The following ARHGEF38 variants were observed in gnomAD, a reference collection of about 807,000 sequenced individuals.
The protein encoded by ARHGEF38 is Rho guanine nucleotide exchange factor (GEF) 38.
In ARHGEF38, 79 loss-of-function variants were observed where a neutral mutation model predicts 79.9. The ratio of observed to expected loss-of-function variants is 0.99; its 90% CI spans 0.82 to 1.19. The LOEUF is 1.19. Ranked by LOEUF, ARHGEF38 falls within the 50% of genes most tolerant of loss-of-function variation. The probability of loss-of-function intolerance (pLI) is 0.00; values close to 1 mark genes in which losing one functional copy is unlikely to be tolerated. For missense variants in ARHGEF38, 962 were observed against 907.2 expected (o/e 1.06, Z -0.78); for synonymous variants, 366 against 328.3 (o/e 1.11, Z -1.24).
chr4:105,675,086 T>A (rs1351112016), intron 13 of ARHGEF38, among the ~76,000 whole-genome samples: 3 of 152,200 alleles, frequency 2.0e-5, no homozygotes, highest in Admixed American at 1.3e-4. Context: ...ATTTATTCAA[T>A]GTTTTCACTT....
intron 13 of ARHGEF38, among the ~76,000 whole-genome samples, chr4:105,676,971 T>C (rs1015820117): frequency 6.8e-6 from 1 of 146,136 alleles, no homozygotes; most frequent in Non-Finnish European, 1.5e-5. Flanking sequence ...TGTTTTTTCT[T>C]TTTTTTTTTG....
rs573303329 is a variant in ARHGEF38 at position 105,652,720 on chromosome 4, A to G, written c.1009-1345A>G. Reference sequence around the variant, plus strand: ...CTGGTGACGCCTCCTTGGAAACTGCATTTAAAAAAAAATCTGCCCCAGCAT... The same window carrying G: ...CTGGTGACGCCTCCTTGGAAACTGCGTTTAAAAAAAAATCTGCCCCAGCAT... On this transcript the variant is annotated intron_variant, in intron 7 of 13. Transcript: ENST00000420470. Among the ~76,000 whole-genome samples the G allele has an allele frequency of 3.7e-3, 473 of 127,356 alleles. 2 individuals carry two copies. The highest frequency in any genetic ancestry group is 0.022 in the African/African-American group (448 of 20,316). The allele number at this position is 127,356 out of a possible 152,430, so 83.6% of individuals were successfully genotyped here.
rs556758167 is a variant in ARHGEF38 at position 105,679,562 on chromosome 4, C to T, written c.*1625C>T. On this transcript the variant is annotated 3_prime_UTR_variant, in exon 14 of 14. Transcript: ENST00000420470. ...CTAAAGCTGCAGCCAATGCATCTAT[C>T]GCCCCTTTCTCTTCTATCAGTATCT... 25 of 1,042,818 alleles carry T rather than the reference C, an allele frequency of 2.4e-5. No individual in the cohort carries two copies. Among genetic ancestry groups the T allele is most frequent in the Non-Finnish European group, 3.2e-5 (21 of 661,236 alleles). The allele number at this position is 1,042,818 out of a possible 1,614,324, so 64.6% of individuals were successfully genotyped here. A position where few individuals can be genotyped will look rare whatever the true frequency, so the allele number is the denominator to read the frequency against.
At chr4:105,650,901 G>C (rs1370387810) in intron 7 of ARHGEF38, among the ~76,000 whole-genome samples, 1 of 152,148 alleles carries the variant, frequency 6.6e-6, no homozygotes, top group Non-Finnish European at 1.5e-5. Context: ...TCTGAGAAAG[G>C]ACAATGAAGA....
intron 4 of ARHGEF38, chr4:105,631,691 C>T: frequency 2.1e-6 from 2 of 966,916 alleles, no homozygotes; most frequent in Non-Finnish European, 2.5e-6. Context: ...CTATTAGCCC[C>T]TTTCTTCTTA....
chr4:105,645,164 T>A, intron 5 of ARHGEF38, 24 bp from the exon 6 acceptor site: 1 of 1,310,986 alleles, frequency 7.6e-7, no homozygotes, highest in Non-Finnish European at 9.8e-7. Flanking sequence ...TTTGTGAAAC[T>A]GATATTATTT....
chr4:105,673,570 T>C (rs1731024060), intron 13 of ARHGEF38, among the ~76,000 whole-genome samples: 1 of 152,148 alleles, frequency 6.6e-6, no homozygotes, highest in East Asian at 1.9e-4. Context: ...AAAAGTCAGC[T>C]TATTAACATG....
At chr4:105,648,042 A>G (rs1484584290) in intron 6 of ARHGEF38, among the ~76,000 whole-genome samples, 7 of 151,560 alleles carry the variant, frequency 4.6e-5, no homozygotes. Flanking sequence ...GGCACGCACC[A>G]CCATGCCAGG....
At chr4:105,579,588 A>AT (rs1294149318) in intron 1 of ARHGEF38, among the ~76,000 whole-genome samples, 2 of 152,110 alleles carry the variant, frequency 1.3e-5, no homozygotes, top group Admixed American at 1.3e-4. Flanking sequence ...AGCCTACTTG[A>AT]TTGTGGTGAA....
chr4:105,582,509 A>G (rs1726846228), intron 1 of ARHGEF38, among the ~76,000 whole-genome samples: 1 of 150,684 alleles, frequency 6.6e-6, no homozygotes, highest in African/African-American at 2.5e-5. Flanking sequence ...GTTATTTTGT[A>G]GGTTTTGGTT....
At chr4:105,577,920 CT>C (rs1232229814) in intron 1 of ARHGEF38, among the ~76,000 whole-genome samples, 1 of 151,808 alleles carries the variant, frequency 6.6e-6, no homozygotes, top group East Asian at 1.9e-4. Context: ...GTTTTAATTT[CT>C]TTTGGTTCTG....
At chr4:105,569,731 A>T (rs1044982743) in intron 1 of ARHGEF38, among the ~76,000 whole-genome samples, 1 of 152,186 alleles carries the variant, frequency 6.6e-6, no homozygotes, top group Admixed American at 6.5e-5. Context: ...AAACTGCTTA[A>T]CCTCTGTGTG....
intron 2 of ARHGEF38, among the ~76,000 whole-genome samples, chr4:105,607,817 T>C (rs576613916): frequency 2.0e-5 from 3 of 151,452 alleles, no homozygotes; most frequent in African/African-American, 7.3e-5. Flanking sequence ...AAGGATTTCT[T>C]GTTTAGGCAA....
chr4:105,668,691 TAGA>T (rs1240150301), intron 13 of ARHGEF38, among the ~76,000 whole-genome samples: 6 of 151,588 alleles, frequency 4.0e-5, no homozygotes, highest in African/African-American at 1.2e-4. Flanking sequence ...GATAGATAGA[TAGA>T]TAGATAGATA....
At chr4:105,643,794 T>G (rs1289711810) in intron 5 of ARHGEF38, among the ~76,000 whole-genome samples, 1 of 152,126 alleles carries the variant, frequency 6.6e-6, no homozygotes, top group African/African-American at 2.4e-5. Flanking sequence ...ATTGTGTGCA[T>G]GTACATGTGA....
intron 5 of ARHGEF38, among the ~76,000 whole-genome samples, chr4:105,643,072 A>G (rs1203534559): frequency 1.3e-5 from 2 of 151,706 alleles, no homozygotes; most frequent in Non-Finnish European, 2.9e-5. Flanking sequence ...TGTCCTTCAT[A>G]TTTAAAGGTT....
At chr4:105,584,345 G>A (rs1340869778) in intron 1 of ARHGEF38, among the ~76,000 whole-genome samples, 1 of 152,264 alleles carries the variant, frequency 6.6e-6, no homozygotes, top group South Asian at 2.1e-4. Flanking sequence ...TTAATAAATA[G>A]GGATTGCATC....
chr4:105,643,636 A>G (rs1182252239), intron 5 of ARHGEF38, among the ~76,000 whole-genome samples: 2 of 152,262 alleles, frequency 1.3e-5, no homozygotes, highest in Admixed American at 6.5e-5. Context: ...AGAATACTGT[A>G]TGCCATGCAG....
chr4:105,620,733 T>C (rs1204638672), intron 3 of ARHGEF38, among the ~76,000 whole-genome samples: 2 of 152,202 alleles, frequency 1.3e-5, no homozygotes, highest in Non-Finnish European at 2.9e-5. Flanking sequence ...TCAAGTGTCA[T>C]TTTCACATTT....
Sources: allele counts gnomAD v4.1 joint callset (sites outside exome capture counted in the v4.1 genomes callset), GRCh38; gene constraint gnomAD v4.1.1; transcripts MANE v1.5; gene names NCBI Gene and HGNC (gene_info 2026-07-23, HGNC 2026-07-21).